EXT2: variants seen among roughly 807,000 people sequenced by gnomAD.
EXT2 encodes exostosin glycosyltransferase 2.
A neutral mutation model predicts 81.6 loss-of-function variants in EXT2; 53 were observed. That is an observed-to-expected ratio of 0.65 (90% CI 0.52 to 0.82). The LOEUF (loss-of-function observed/expected upper bound fraction) is 0.82. Ranked by LOEUF, EXT2 falls within the 40% of genes least tolerant of loss-of-function variation. The pLI is 0.00. For synonymous variants in EXT2, 320 were observed against 340.0 expected (o/e 0.94, Z 0.65); for missense variants, 774 against 910.2 (o/e 0.85, Z 1.93).
chr11:44,112,414 C>T (rs1954158200), intron 3 of EXT2, among the ~76,000 whole-genome samples: 1 of 152,154 alleles, frequency 6.6e-6, no homozygotes, highest in African/African-American at 2.4e-5. Context: ...TCTCTTGCAG[C>T]TTTGGAACTA....
chr11:44,107,633 T>C, intron 1 of EXT2, 50 bp from the exon 2 acceptor site: 25 of 1,532,878 alleles, frequency 1.6e-5, no homozygotes, highest in Non-Finnish European at 2.2e-5. Context: ...TCAAGTGTCA[T>C]TTGCCATCCT....
At chr11:44,117,649 A>C (rs1954241524) in intron 4 of EXT2, among the ~76,000 whole-genome samples, 1 of 152,292 alleles carries the variant, frequency 6.6e-6, no homozygotes, top group Non-Finnish European at 1.5e-5. Context: ...TTGGATTGTC[A>C]ATTCGAATCT....
intron 12 of EXT2, 137 bp from the exon 13 acceptor site, chr11:44,236,156 G>A (rs908130545): frequency 1.2e-4 from 91 of 775,484 alleles, no homozygotes; most frequent in Non-Finnish European, 1.8e-4. Context: ...GAGGAATGGC[G>A]AGGTGTGTGT....
Position 44,197,815 on chromosome 11 carries a change from C to G in EXT2, c.1306-14C>G, listed in dbSNP as rs1051825327. ...AGCTGCTTTTCTGACCCGTGTTAAT[C>G]TGTCCTCTTGTAGAAGTGGGGCAGC... On this transcript the variant is annotated splice_polypyrimidine_tract_variant and intron_variant, in intron 8 of 13. Coordinates refer to ENST00000533608, the MANE Select transcript of EXT2 (RefSeq NM_207122.2). The G allele has an allele frequency of 6.8e-6, 11 of 1,613,678 alleles. No homozygotes were observed. The African/African-American group carries it at 1.2e-4, about 18-fold the overall frequency.
In EXT2 at chr11:44,114,744, C is replaced by T. The variant is rs908388469; in HGVS notation, c.743+443C>T. Among the ~76,000 whole-genome samples, 37 of 152,158 alleles carry T rather than the reference C, an allele frequency of 2.4e-4. 1 individual carries two copies. Among genetic ancestry groups the T allele is most frequent in the African/African-American group, 8.4e-4 (35 of 41,438 alleles). On this transcript the variant is annotated intron_variant, in intron 4 of 13. Transcript: ENST00000533608. Reference sequence around the variant, plus strand: ...TGGTCTTGCTCCCCTCGAGTTTGATCCTTGGCTTCACATTGCCCTTAGGAT... The same window carrying T: ...TGGTCTTGCTCCCCTCGAGTTTGATTCTTGGCTTCACATTGCCCTTAGGAT...
In EXT2 at chr11:44,247,135, C is replaced by T. The variant is rs1032379505; in HGVS notation, c.*2848C>T. ...TTATCTCATGTATTTTACCAACCCT[C>T]ACACATTTAGGTATAAACCTCCTTT... On this transcript the variant is annotated 3_prime_UTR_variant, in exon 14 of 14. Transcript: ENST00000533608. Among the ~76,000 whole-genome samples, 10 of 152,136 alleles carry T rather than the reference C, an allele frequency of 6.6e-5. No individual in the cohort carries two copies. Among genetic ancestry groups the T allele is most frequent in the Non-Finnish European group, 1.0e-4 (7 of 68,032 alleles).
chr11:44,106,580 C>G (rs1241431080), intron 1 of EXT2, among the ~76,000 whole-genome samples: 2 of 152,138 alleles, frequency 1.3e-5, no homozygotes, highest in African/African-American at 4.8e-5. Context: ...GTTTTCTTCA[C>G]AGTACATGAT....
intron 10 of EXT2, among the ~76,000 whole-genome samples, chr11:44,219,374 T>A (rs956546296): frequency 1.3e-5 from 2 of 150,768 alleles, no homozygotes; most frequent in Admixed American, 6.6e-5. Context: ...ATTAACCAAG[T>A]GTGGTGGCGC....
chr11:44,192,654 A>G (rs1468870352), intron 8 of EXT2, among the ~76,000 whole-genome samples: 1 of 152,140 alleles, frequency 6.6e-6, no homozygotes, highest in African/African-American at 2.4e-5. Flanking sequence ...TATGTACATA[A>G]TCTCGTTTAA....
At chr11:44,136,931 G>C (rs898362371) in intron 7 of EXT2, among the ~76,000 whole-genome samples, 5 of 152,090 alleles carry the variant, frequency 3.3e-5, no homozygotes, top group Non-Finnish European at 7.4e-5. Context: ...GCCAATGGGA[G>C]AGCCTTGGTA....
Position 44,236,952 on chromosome 11 carries a change from A to G in EXT2, c.2018+577A>G, listed in dbSNP as rs1955972821. Among the ~76,000 whole-genome samples, 14 of 152,174 alleles carry G rather than the reference A, an allele frequency of 9.2e-5. 1 individual carries two copies. The highest frequency in any genetic ancestry group is 9.2e-4 in the Admixed American group (14 of 15,276). ...GAATGTAATCCTAGGCCTTGTAGGT[A>G]AGAATTAAAAGAGTGGGAGATGTAT... On this transcript the variant is annotated intron_variant, in intron 13 of 13. Coordinates refer to ENST00000533608, the MANE Select transcript of EXT2 (RefSeq NM_207122.2).
chr11:44,126,979 T>C lies in EXT2; in HGVS notation c.1079+24T>C, dbSNP rs189345832. On this transcript the variant is annotated intron_variant, in intron 6 of 13. Coordinates refer to ENST00000533608, the MANE Select transcript of EXT2 (RefSeq NM_207122.2). ...AGGTGGGTAGTACCTCCTAGTAAAC[T>C]CTACATTAGTGGTTCTGCGTATATT... The C allele has an allele frequency of 4.3e-5, 70 of 1,613,752 alleles. No homozygotes were observed. The Admixed American group carries it at 1.1e-3, about 26-fold the overall frequency.
At chr11:44,131,304 G>A (rs1190971105) in intron 7 of EXT2, among the ~76,000 whole-genome samples, 1 of 152,142 alleles carries the variant, frequency 6.6e-6, no homozygotes, top group African/African-American at 2.4e-5. Context: ...GGAGAGTGAG[G>A]TTAGTGGATG....
intron 8 of EXT2, among the ~76,000 whole-genome samples, chr11:44,184,848 T>A (rs1228556200): frequency 6.6e-6 from 1 of 152,224 alleles, no homozygotes; most frequent in Non-Finnish European, 1.5e-5. Context: ...TTGTCAGCAA[T>A]TAATTGTAAA....
At chr11:44,211,871 C>A (rs1369179129) in intron 10 of EXT2, among the ~76,000 whole-genome samples, 1 of 152,118 alleles carries the variant, frequency 6.6e-6, no homozygotes. Flanking sequence ...TTGTACCCCA[C>A]AAATGTATAC....
intron 8 of EXT2, among the ~76,000 whole-genome samples, chr11:44,190,256 A>T (rs1386089151): frequency 6.6e-6 from 1 of 152,234 alleles, no homozygotes; most frequent in African/African-American, 2.4e-5. Context: ...GTGGAAACAC[A>T]TCATGCATAA....
chr11:44,181,146 T>C (rs4456248), intron 8 of EXT2, among the ~76,000 whole-genome samples: 2,700 of 152,212 alleles, frequency 0.018, 86 homozygotes, highest in African/African-American at 0.061. Flanking sequence ...TGATTAATAA[T>C]TGGGCTAGTG....
intron 7 of EXT2, among the ~76,000 whole-genome samples, chr11:44,155,689 T>A (rs1160273839): frequency 6.6e-6 from 1 of 152,194 alleles, no homozygotes; most frequent in Non-Finnish European, 1.5e-5. Flanking sequence ...TTTATGATAC[T>A]GCCTATGTCT....
At chr11:44,170,165 G>A (rs1217564613) in intron 7 of EXT2, among the ~76,000 whole-genome samples, 1 of 151,994 alleles carries the variant, frequency 6.6e-6, no homozygotes, top group African/African-American at 2.4e-5. Flanking sequence ...TCTGACCACA[G>A]CGCAGTCAAA....
Sources: gnomAD v4.1 joint callset for allele counts (sites outside exome capture counted in the v4.1 genomes callset) on GRCh38, gnomAD v4.1.1 for gene constraint, MANE v1.5 for transcripts, NCBI Gene and HGNC (gene_info 2026-07-23, HGNC 2026-07-21) for gene names.